Variants in SYAP1 observed in about 807,000 individuals in gnomAD.
The protein encoded by SYAP1 is synapse-associated protein 1.
A neutral mutation model predicts 29.6 loss-of-function variants in SYAP1; 3 were observed. That is an observed-to-expected ratio of 0.10 (90% CI 0.05 to 0.26). The LOEUF is 0.26. Among genes scored for constraint, SYAP1 ranks in the 10% least tolerant of loss-of-function variants. The pLI is 1.00. For missense variants in SYAP1, 217 were observed against 264.1 expected, an observed-to-expected ratio of 0.82 and a Z score of 1.24; for synonymous variants, 102 against 102.7, an observed-to-expected ratio of 0.99 and a Z score of 0.04.
In SYAP1 at chrX:16,743,712, T is replaced by C. The variant is rs887151338; in HGVS notation, c.447T>C (p.Asn149=). ...TTTTTTTATCAAAGGACAAGAGGAATTTCCTTCGTGACCCTCCGGCTGGCG... is the reference window on the plus strand; with the variant it reads ...TTTTTTTATCAAAGGACAAGAGGAACTTCCTTCGTGACCCTCCGGCTGGCG... The part of the protein sequence containing the change: ...QILALSADKR[N]FLRDPPAGVQ... The change falls in exon 5 of 9, where the codon AAT becomes AAC. Residue 149 remains asparagine (N), a synonymous_variant. Transcript: ENST00000380155. 7 of 1,208,613 alleles carry C rather than the reference T, an allele frequency of 5.8e-6. No individual in the cohort carries two copies. In the African/African-American group the frequency reaches 1.2e-4, roughly 21 times the overall value.
In SYAP1 at chrX:16,763,315, T is replaced by G; in HGVS notation, c.*2956T>G. On this transcript the variant is annotated 3_prime_UTR_variant, in exon 9 of 9. Coordinates refer to ENST00000380155, the MANE Select transcript of SYAP1 (RefSeq NM_032796.4). ...GAGGGGGGGCAAGTTTTTAGGGGGA[T>G]GAGAAATATTCTTGGTAAATCGGGC... 1.0e-5 allele frequency: 1 copy of G among 95,941 alleles called. No individual in the cohort carries two copies. The allele number at this position is 95,941 out of a possible 1,213,427, so 7.9% of individuals were successfully genotyped here.
rs1176922223 is a variant in SYAP1, at chrX:16,762,115, A to C, written c.*1756A>C. On this transcript the variant is annotated 3_prime_UTR_variant, in exon 9 of 9. Transcript: ENST00000380155. ...TTCCAAGATGACTGGCAACTTCTGA[A>C]ATAATCTCATTGAAGGAAAGAGTTT... The C allele has an allele frequency of 1.8e-5, 2 of 112,350 alleles. No individual in the cohort carries two copies. Among genetic ancestry groups the C allele is most frequent in the Non-Finnish European group, 3.7e-5 (2 of 53,342 alleles). The allele number at this position is 112,350 out of a possible 1,213,427, so 9.3% of individuals were successfully genotyped here.
At chrX:16,737,774 A>G (rs1360669998) in intron 3 of SYAP1, among the ~76,000 whole-genome samples, 1 of 112,071 alleles carries the variant, frequency 8.9e-6, no homozygotes, top group South Asian at 3.7e-4. Context: ...GGTCCTCGAT[A>G]ACTACATATG....
In SYAP1 at chrX:16,739,697, C is replaced by T. The variant is rs753616455; in HGVS notation, c.362-2019C>T. Among the ~76,000 whole-genome samples the T allele has an allele frequency of 2.7e-5, 3 of 111,030 alleles. No individual in the cohort carries two copies. In the Admixed American group the frequency reaches 2.9e-4, roughly 11 times the overall value. On this transcript the variant is annotated intron_variant, in intron 3 of 8. Coordinates refer to ENST00000380155, the MANE Select transcript of SYAP1 (RefSeq NM_032796.4). ...ATAGGTGCCCTAACTGCCAGGTCCT[C>T]CTTATTGTTTGCTTTGTGGTGATGC...
intron 1 of SYAP1, among the ~76,000 whole-genome samples, chrX:16,731,046 T>C (rs1926194421): frequency 8.9e-6 from 1 of 112,433 alleles, no homozygotes; most frequent in South Asian, 3.6e-4. Context: ...TTTAAAACTG[T>C]CTTTATTTTT....
Position 16,735,406 on chromosome X carries a change from TTTC to T in SYAP1, c.294+70_294+72del, listed in dbSNP as rs752095375. ...GAAATTCATTGTTTCCTCTTGATGGTTTCTTCTTCTTATGAACATTTTTTAACC... is the reference window on the plus strand; with the variant it reads ...GAAATTCATTGTTTCCTCTTGATGGTTTCTTCTTATGAACATTTTTTAACC... On this transcript the variant is annotated intron_variant, in intron 2 of 8. Coordinates refer to ENST00000380155, the MANE Select transcript of SYAP1 (RefSeq NM_032796.4). 1.4e-4 allele frequency: 102 copies of T among 710,667 alleles called. No homozygotes were observed. The African/African-American group carries it at 2.0e-3, about 14-fold the overall frequency. The allele number at this position is 710,667 out of a possible 1,213,427, so 58.6% of individuals were successfully genotyped here. A position where few individuals can be genotyped will look rare whatever the true frequency, so the allele number is the denominator to read the frequency against.
chrX:16,747,713 C>G (rs994114013), intron 5 of SYAP1, among the ~76,000 whole-genome samples: 5 of 113,036 alleles, frequency 4.4e-5, no homozygotes, highest in African/African-American at 3.2e-5. Context: ...CAATATGACT[C>G]CAGTTTCCTC....
intron 1 of SYAP1, 129 bp from the exon 2 acceptor site, chrX:16,735,098 G>T: frequency 2.6e-6 from 1 of 378,861 alleles, no homozygotes; most frequent in Non-Finnish European, 4.6e-6. Context: ...ATCACTGTCA[G>T]TGCTTCTCAT....
chrX:16,746,958 C>CT (rs1336211138), intron 5 of SYAP1, among the ~76,000 whole-genome samples: 1 of 111,760 alleles, frequency 8.9e-6, no homozygotes, highest in Non-Finnish European at 1.9e-5. Context: ...TAGGAATTGA[C>CT]TTTTTTATTT....
chrX:16,726,967 GGAAAAA>G (rs1327594052), intron 1 of SYAP1, among the ~76,000 whole-genome samples: 1 of 111,255 alleles, frequency 9.0e-6, no homozygotes. Flanking sequence ...GGAAAAATGG[GGAAAAA>G]GGAAAAGGAA....
chrX:16,757,817 C>A (rs1253080902), intron 8 of SYAP1, among the ~76,000 whole-genome samples: 1 of 103,327 alleles, frequency 9.7e-6, no homozygotes, highest in Non-Finnish European at 2.0e-5. Context: ...TGAGATGGGA[C>A]AATCACTTGA....
intron 3 of SYAP1, 132 bp downstream of exon 3, chrX:16,736,364 A>G: frequency 2.3e-6 from 1 of 442,777 alleles, no homozygotes; most frequent in South Asian, 4.2e-5. Flanking sequence ...TAGCACAAAG[A>G]CTAGTGAGGG....
In SYAP1 at chrX:16,739,571, G is replaced by C. The variant is rs1286454905; in HGVS notation, c.362-2145G>C. Among the ~76,000 whole-genome samples the C allele has an allele frequency of 2.6e-4, 27 of 102,452 alleles. 2 individuals are homozygous for C. In the Admixed American group the frequency reaches 2.8e-3, roughly 11 times the overall value. 89.0% of individuals were successfully genotyped at this position (102,452 alleles called of 115,157 possible). ...AGCTCACTGCAACCTCTGCCCCCCG[G>C]GTTCAAGCAATTCTCCTGTTTCGGC... On this transcript the variant is annotated intron_variant, in intron 3 of 8. Transcript: ENST00000380155.
chrX:16,747,596 CT>C (rs781655965), intron 5 of SYAP1, among the ~76,000 whole-genome samples: 1 of 112,504 alleles, frequency 8.9e-6, no homozygotes, highest in African/African-American at 3.2e-5. Flanking sequence ...GGACCGCCCC[CT>C]CTCACTGTTG....
chrX:16,759,789 C>A (rs1449705916), intron 8 of SYAP1, among the ~76,000 whole-genome samples: 1 of 112,129 alleles, frequency 8.9e-6, no homozygotes, highest in Non-Finnish European at 1.9e-5. Context: ...ATGGACTGTT[C>A]CAAGGGTGAA....
At chrX:16,720,280 G>T (rs900693584) in intron 1 of SYAP1, among the ~76,000 whole-genome samples, 7 of 111,932 alleles carry the variant, frequency 6.3e-5, no homozygotes, top group East Asian at 5.6e-4. Context: ...AGCTTGAATT[G>T]GTTGAAAAAA....
At chrX:16,755,459 GT>G (rs1316691372) in intron 6 of SYAP1, among the ~76,000 whole-genome samples, 1 of 107,921 alleles carries the variant, frequency 9.3e-6, no homozygotes, top group South Asian at 4.0e-4. Flanking sequence ...TGCCTGGCGA[GT>G]TTTTTTTTCG....
At chrX:16,746,400 C>T (rs1926608716) in intron 5 of SYAP1, among the ~76,000 whole-genome samples, 1 of 108,759 alleles carries the variant, frequency 9.2e-6, no homozygotes, top group Admixed American at 1.0e-4. Context: ...CCACACCCAG[C>T]TAATTTTTGT....
intron 5 of SYAP1, among the ~76,000 whole-genome samples, chrX:16,744,516 C>T (rs1296696897): frequency 2.7e-5 from 3 of 112,614 alleles, no homozygotes; most frequent in African/African-American, 3.2e-5. Flanking sequence ...TCCCTGAGTA[C>T]GTTAGTTACA....
Sources: gnomAD v4.1 joint callset for allele counts (sites outside exome capture counted in the v4.1 genomes callset) on GRCh38, gnomAD v4.1.1 for gene constraint, MANE v1.5 for transcripts, NCBI Gene and HGNC (gene_info 2026-07-23, HGNC 2026-07-21) for gene names.